PCDHGB1: variants seen among roughly 807,000 people sequenced by gnomAD.
PCDHGB1 encodes protocadherin gamma subfamily B, 1, also known as protocadherin gamma-B1.
In PCDHGB1, 34 loss-of-function variants were observed where a neutral mutation model predicts 56.6. The observed-to-expected ratio is 0.60, with a 90% confidence interval of 0.46 to 0.80. The LOEUF is 0.80. Ranked by LOEUF, PCDHGB1 falls within the 30% of genes least tolerant of loss-of-function variation. The pLI, the probability that PCDHGB1 is intolerant of heterozygous loss-of-function variation, is 0.00. For synonymous variants in PCDHGB1, 561 were observed against 505.9 expected (o/e 1.11, Z -1.46); for missense variants, 1,278 against 1,204.6 (o/e 1.06, Z -0.90).
At position 141,512,951 on chromosome 5, in the gene PCDHGB1, AATAAT is replaced by A. The variant is rs1231390259; in HGVS notation, c.*1780_*1784del. 2.1e-5 allele frequency: 3 copies of A among 141,994 alleles called. No homozygotes were observed. Among genetic ancestry groups the A allele is most frequent in the Non-Finnish European group, 4.8e-5 (3 of 62,372 alleles). The allele number at this position is 141,994 out of a possible 1,614,324, so 8.8% of individuals were successfully genotyped here. A position where few individuals can be genotyped will look rare whatever the true frequency, so the allele number is the denominator to read the frequency against. On this transcript the variant is annotated 3_prime_UTR_variant, in exon 4 of 4. Coordinates refer to ENST00000523390, the MANE Select transcript of PCDHGB1 (RefSeq NM_018922.3). ...TATGGCTTTTTTTCTTCGACAAAAAAATAATAAAACGTTTCTTCTGAAAAGCTGAA... is the reference window on the plus strand; with the variant it reads ...TATGGCTTTTTTTCTTCGACAAAAAAAAAACGTTTCTTCTGAAAAGCTGAA...
At chr5:141,368,314 C>T (rs928484151) in intron 1 of PCDHGB1, among the ~76,000 whole-genome samples, 1 of 152,080 alleles carries the variant, frequency 6.6e-6, no homozygotes, top group Admixed American at 6.6e-5. Context: ...TGTTAAAGAG[C>T]ATTCAAGTAT....
intron 1 of PCDHGB1, chr5:141,414,324 T>G (rs2095735584): frequency 6.2e-7 from 1 of 1,613,758 alleles, no homozygotes; most frequent in South Asian, 1.1e-5. Context: ...CTGAGCAGAA[T>G]GGACAGGTAA....
chr5:141,403,100 A>G (rs1295654527), intron 1 of PCDHGB1: 5 of 1,613,992 alleles, frequency 3.1e-6, no homozygotes, highest in Non-Finnish European at 4.2e-6. Flanking sequence ...CAACATCTCC[A>G]AGGACCTGGC....
At chr5:141,398,892 G>A in intron 1 of PCDHGB1, 5 of 1,613,916 alleles carry the variant, frequency 3.1e-6, no homozygotes, top group Non-Finnish European at 4.2e-6. Context: ...GGGAAAACGT[G>A]CCACCAGGCA....
intron 1 of PCDHGB1, among the ~76,000 whole-genome samples, chr5:141,471,768 T>A (rs1203999329): frequency 6.6e-6 from 1 of 152,174 alleles, no homozygotes; most frequent in Non-Finnish European, 1.5e-5. Context: ...GGTCAAAAGA[T>A]GAGTTTGACA....
intron 1 of PCDHGB1, chr5:141,394,886 C>CT: frequency 1.9e-6 from 3 of 1,613,890 alleles, no homozygotes; most frequent in Non-Finnish European, 2.5e-6. Context: ...GCCTTACACT[C>CT]TATCTCGTGG....
intron 1 of PCDHGB1, chr5:141,390,129 T>G (rs1194598931): frequency 6.2e-7 from 1 of 1,613,936 alleles, no homozygotes; most frequent in Non-Finnish European, 8.5e-7. Flanking sequence ...TTTGCCTTAT[T>G]CCTACAATCT....
chr5:141,362,774 C>A, intron 1 of PCDHGB1: 2 of 610,798 alleles, frequency 3.3e-6, no homozygotes, highest in Non-Finnish European at 5.5e-6. Flanking sequence ...AGATATTGCA[C>A]TGTATTTCTT....
rs1195316502 is a variant in PCDHGB1 at position 141,431,006 on chromosome 5, A to G, written c.2410-63801A>G. 1.2e-6 allele frequency: 2 copies of G among 1,614,116 alleles called. No individual in the cohort carries two copies. Among genetic ancestry groups the G allele is most frequent in the South Asian group, 2.2e-5 (2 of 91,078 alleles). ...TTTCGCCCTGAATCCGCGCAGCGGC[A>G]GCTTGGTCACGGCGGGCAGGATAGA... On this transcript the variant is annotated intron_variant, in intron 1 of 3. Transcript: ENST00000523390. The surrounding 1 kb of genome is among the most constrained non-coding windows in gnomAD (Gnocchi z 4.8).
intron 1 of PCDHGB1, among the ~76,000 whole-genome samples, chr5:141,465,130 AAG>A (rs1277023430): frequency 2.6e-5 from 4 of 151,968 alleles, no homozygotes; most frequent in Non-Finnish European, 5.9e-5. Flanking sequence ...AATTTGTAAA[AAG>A]TTTAGGGGAT....
chr5:141,372,331 T>G (rs1385749044), intron 1 of PCDHGB1: 2 of 1,613,644 alleles, frequency 1.2e-6, no homozygotes, highest in African/African-American at 1.3e-5. Flanking sequence ...CTGGTCACTG[T>G]GCGTGATGGA....
rs930695301 is a variant in PCDHGB1, at chr5:141,472,874, T to C, written c.2410-21933T>C. On this transcript the variant is annotated intron_variant, in intron 1 of 3. Coordinates refer to ENST00000523390, the MANE Select transcript of PCDHGB1 (RefSeq NM_018922.3). ...GGTGGCACATGCCTGTATTCCCAGC[T>C]ACTCGGGAGGCTGAGGCAGGAGAAT... Among the ~76,000 whole-genome samples, 5 of 150,448 alleles carry C rather than the reference T, an allele frequency of 3.3e-5. No homozygotes were observed. In the Admixed American group the frequency reaches 3.3e-4, roughly 10 times the overall value.
chr5:141,389,628 C>T (rs2091851910), intron 1 of PCDHGB1: 1 of 1,613,000 alleles, frequency 6.2e-7, no homozygotes, highest in Non-Finnish European at 8.5e-7. Context: ...CGCTGCAGAG[C>T]CTGGCTACTT....
rs1476740920 is a variant in PCDHGB1, at chr5:141,443,326, A to AC, written c.2410-51481_2410-51480insC. Among the ~76,000 whole-genome samples the AC allele has an allele frequency of 3.3e-5, 5 of 151,792 alleles. No homozygotes were observed. The South Asian group carries it at 8.3e-4, about 25-fold the overall frequency. ...CAAAAACCCATCTCTACAAAAAAAA[A>AC]AAACAAAAATTAACAAGGTTTAGTG... On this transcript the variant is annotated intron_variant, in intron 1 of 3. Transcript: ENST00000523390.
intron 1 of PCDHGB1, chr5:141,419,831 G>C: frequency 1.9e-6 from 3 of 1,614,048 alleles, no homozygotes; most frequent in Non-Finnish European, 2.5e-6. Context: ...TTCAGCCACT[G>C]CCACGCTGCA....
chr5:141,431,450 A>T lies in PCDHGB1; in HGVS notation c.2410-63357A>T, dbSNP rs1468567743. 1 of 1,613,740 alleles carries T rather than the reference A, an allele frequency of 6.2e-7. No homozygotes were observed. Among genetic ancestry groups the T allele is most frequent in the Admixed American group, 1.7e-5 (1 of 60,032 alleles). ...CACAGGCACCGCGCGCATCCGCGTG[A>T]TGGTTCTGGATGCGAACGACAACGC... On this transcript the variant is annotated intron_variant, in intron 1 of 3. Transcript: ENST00000523390. This position sits in a 1 kb window ranked among gnomAD's most constrained non-coding sequence, Gnocchi z 4.8.
At chr5:141,419,713 C>T in intron 1 of PCDHGB1, 1 of 1,613,264 alleles carries the variant, frequency 6.2e-7, no homozygotes, top group East Asian at 2.2e-5. Context: ...GGCTCTTCAG[C>T]CTGGGGCTGC....
chr5:141,399,649 G>A (rs1325160100), intron 1 of PCDHGB1: 2 of 1,613,794 alleles, frequency 1.2e-6, no homozygotes, highest in East Asian at 2.2e-5. Flanking sequence ...CGCGCAAAGT[G>A]GGGTGGTGTT....
intron 1 of PCDHGB1, chr5:141,365,086 A>G: frequency 6.2e-7 from 1 of 1,613,892 alleles, no homozygotes; most frequent in Non-Finnish European, 8.5e-7. Context: ...TGAGTGTTCC[A>G]GAGAACATAC....
Sources: allele counts gnomAD v4.1 joint callset (sites outside exome capture counted in the v4.1 genomes callset), GRCh38; gene constraint gnomAD v4.1.1; non-coding constraint Gnocchi (gnomAD v3.1); transcripts MANE v1.5; gene names NCBI Gene and HGNC (gene_info 2026-07-23, HGNC 2026-07-21).